Variants in PIK3AP1 observed in about 807,000 individuals in gnomAD.
PIK3AP1 encodes the protein phosphoinositide 3-kinase adapter protein 1.
Under a neutral mutation model 88.1 loss-of-function variants are expected in PIK3AP1, and 21 were observed. The observed-to-expected ratio is 0.24, with a 90% CI of 0.17 to 0.34. PIK3AP1 has a LOEUF of 0.34. Ranked by LOEUF, PIK3AP1 falls within the 10% of genes least tolerant of loss-of-function variation. The pLI is 1.00. For missense variants in PIK3AP1, 828 were observed against 1,035.7 expected, an observed-to-expected ratio of 0.80 and a Z score of 2.75; for synonymous variants, 398 against 400.0, an observed-to-expected ratio of 1.00 and a Z score of 0.06.
At chr10:96,656,044 T>C (rs2134238628) in intron 3 of PIK3AP1, among the ~76,000 whole-genome samples, 1 of 152,350 alleles carries the variant, frequency 6.6e-6, no homozygotes, top group East Asian at 1.9e-4. Flanking sequence ...AAGCCAGTGC[T>C]GCCCACTGCC....
chr10:96,612,548 C>T (rs534209403), intron 13 of PIK3AP1, among the ~76,000 whole-genome samples: 6 of 152,264 alleles, frequency 3.9e-5, no homozygotes, highest in East Asian at 1.9e-4. Context: ...ATAATGTTAT[C>T]GTGTGTCAAT....
intron 2 of PIK3AP1, chr10:96,700,794 A>G: frequency 1.0e-6 from 1 of 985,526 alleles, no homozygotes; most frequent in South Asian, 4.7e-5. Flanking sequence ...GAAGTCGTCC[A>G]TGACTTACCA....
intron 2 of PIK3AP1, among the ~76,000 whole-genome samples, chr10:96,697,936 C>A (rs1844243398): frequency 6.6e-6 from 1 of 152,310 alleles, no homozygotes; most frequent in East Asian, 1.9e-4. Flanking sequence ...TTATACTATA[C>A]ACATTCTTCT....
intron 15 of PIK3AP1, among the ~76,000 whole-genome samples, chr10:96,602,862 G>A (rs950320453): frequency 6.6e-6 from 1 of 152,168 alleles, no homozygotes; most frequent in African/African-American, 2.4e-5. Flanking sequence ...CTCCCTGCTC[G>A]GAGGCCTAGT....
rs756391826 is a variant in PIK3AP1 at position 96,645,641 on chromosome 10, T to A, written c.1207A>T (p.Ser403Cys). Residue 403 changes from serine to cysteine, a missense_variant, in exon 8 of 17, where the codon AGT (serine) becomes TGT (cysteine). Physicochemically the swap from Ser to Cys is moderately radical, Grantham distance 112 (BLOSUM62 -1). This residue lies in a region of PIK3AP1 where 610 missense variants were observed against 760.1 expected (regional missense o/e 0.80). Coordinates refer to ENST00000339364, the MANE Select transcript of PIK3AP1 (RefSeq NM_152309.3). ...EYVETVDMLK[S>C]HIKEELMHGE... ...TGCATCAGTTCCTCTTTAATGTGAC[T>A]CTTGAGCATGTCCACCGTTTCCTGA... is the stretch of plus-strand genomic sequence containing the variant. The A allele has an allele frequency of 6.2e-7, 1 of 1,604,552 alleles. No homozygotes were observed. The highest frequency in any genetic ancestry group is 8.5e-7 in the Non-Finnish European group (1 of 1,175,876).
At chr10:96,647,973 A>G (rs1365932296) in intron 7 of PIK3AP1, among the ~76,000 whole-genome samples, 2 of 152,178 alleles carry the variant, frequency 1.3e-5, no homozygotes, top group South Asian at 2.1e-4. Flanking sequence ...CCAGAAGTCA[A>G]TGTTTGAGGA....
chr10:96,707,140 A>G (rs940803805), intron 2 of PIK3AP1, among the ~76,000 whole-genome samples: 5 of 152,218 alleles, frequency 3.3e-5, no homozygotes, highest in African/African-American at 1.2e-4. Flanking sequence ...ACTTGAAGCT[A>G]AAGGCTCATA....
At chr10:96,707,725 G>A (rs1844383374) in intron 2 of PIK3AP1, among the ~76,000 whole-genome samples, 1 of 152,142 alleles carries the variant, frequency 6.6e-6, no homozygotes, top group Non-Finnish European at 1.5e-5. Flanking sequence ...AATGACATAA[G>A]ATCATCCACA....
chr10:96,644,002 T>C (rs1354394979), intron 8 of PIK3AP1, among the ~76,000 whole-genome samples: 3 of 152,238 alleles, frequency 2.0e-5, no homozygotes, highest in Non-Finnish European at 4.4e-5. Flanking sequence ...CGAATGATGG[T>C]AACACATGAA....
At chr10:96,676,839 A>G (rs1030609272) in intron 2 of PIK3AP1, among the ~76,000 whole-genome samples, 5 of 152,086 alleles carry the variant, frequency 3.3e-5, no homozygotes, top group African/African-American at 1.2e-4. Context: ...AAGTTTCCGT[A>G]TTGAGCTGGA....
intron 7 of PIK3AP1, 128 bp from the exon 8 acceptor site, chr10:96,645,790 T>C: frequency 1.4e-6 from 1 of 729,870 alleles, no homozygotes; most frequent in Non-Finnish European, 2.2e-6. Context: ...ACTGGTTGTG[T>C]GTATTTGTAT....
chr10:96,673,881 G>T (rs1001920873), intron 2 of PIK3AP1, among the ~76,000 whole-genome samples: 17 of 152,192 alleles, frequency 1.1e-4, no homozygotes, highest in Admixed American at 8.5e-4. Context: ...CCCAGGAAAG[G>T]CTGAAACGGT....
chr10:96,659,950 A>G (rs1295459123), intron 2 of PIK3AP1, among the ~76,000 whole-genome samples: 1 of 152,076 alleles, frequency 6.6e-6, no homozygotes, highest in Non-Finnish European at 1.5e-5. Flanking sequence ...GGAAAACTCC[A>G]TTTATATAGG....
At chr10:96,649,833 G>C (rs1475708821) in intron 6 of PIK3AP1, among the ~76,000 whole-genome samples, 1 of 152,196 alleles carries the variant, frequency 6.6e-6, no homozygotes, top group Non-Finnish European at 1.5e-5. Flanking sequence ...CTCCAGAGAG[G>C]TGCTGGGTCC....
chr10:96,707,660 A>G (rs1844382573), intron 2 of PIK3AP1, among the ~76,000 whole-genome samples: 1 of 152,178 alleles, frequency 6.6e-6, no homozygotes, highest in South Asian at 2.1e-4. Context: ...GTCAGTGGCA[A>G]TACATCCATG....
intron 8 of PIK3AP1, 85 bp from the exon 9 acceptor site, chr10:96,628,578 C>T (rs919947096): frequency 1.8e-6 from 2 of 1,118,518 alleles, no homozygotes; most frequent in Admixed American, 1.7e-5. Flanking sequence ...TGAGGTTTGG[C>T]AACTCTCTTA....
intron 8 of PIK3AP1, among the ~76,000 whole-genome samples, chr10:96,638,007 G>A (rs751995058): frequency 3.9e-5 from 6 of 152,154 alleles, no homozygotes; most frequent in Non-Finnish European, 5.9e-5. Flanking sequence ...TTTGGGCTAC[G>A]TACTTTGGAC....
chr10:96,604,074 CG>C lies in PIK3AP1; in HGVS notation c.2171-26del, dbSNP rs773866771. On this transcript the variant is annotated intron_variant, in intron 14 of 16. Coordinates refer to ENST00000339364, the MANE Select transcript of PIK3AP1 (RefSeq NM_152309.3). ...CCTAAAGGGTAGAAAGAAAATCAGC[CG>C]GATTGAGGATTCTTTCAGGCTAAAA... is the stretch of plus-strand genomic sequence containing the variant. The C allele has an allele frequency of 2.7e-5, 41 of 1,518,588 alleles. No homozygotes were observed. The South Asian group carries it at 4.3e-4, about 16-fold the overall frequency. 94.1% of individuals were successfully genotyped at this position (1,518,588 alleles called of 1,614,324 possible). A position where few individuals can be genotyped will look rare whatever the true frequency, so the allele number is the denominator to read the frequency against.
intron 3 of PIK3AP1, among the ~76,000 whole-genome samples, chr10:96,656,214 G>C (rs1420510358): frequency 1.3e-5 from 2 of 152,206 alleles, no homozygotes; most frequent in African/African-American, 2.4e-5. Flanking sequence ...TACTAAGGTA[G>C]GATTCAAATG....
Sources: gnomAD v4.1 joint callset for allele counts (sites outside exome capture counted in the v4.1 genomes callset) on GRCh38, gnomAD v4.1.1 for gene constraint, gnomAD v4.1.1 regional missense constraint, MANE v1.5 for transcripts, NCBI Gene and HGNC (gene_info 2026-07-23, HGNC 2026-07-21) for gene names.